CWF19L2: variants seen among roughly 807,000 people sequenced by gnomAD.
CWF19L2 encodes the protein CWF19-like protein 2.
CWF19L2 carries 98 observed loss-of-function variants against 111.7 expected under a neutral mutation model. The ratio of observed to expected loss-of-function variants is 0.88; its 90% CI spans 0.75 to 1.04. The LOEUF (loss-of-function observed/expected upper bound fraction) is 1.04, where lower values mean the gene tolerates loss of function less well. Ranked by LOEUF, CWF19L2 falls within the 50% of genes least tolerant of loss-of-function variation. CWF19L2 has a pLI of 0.00. For synonymous variants in CWF19L2, 351 were observed against 342.9 expected (o/e 1.02, Z -0.26); for missense variants, 1,101 against 1,051.4 (o/e 1.05, Z -0.65).
At chr11:107,404,418 T>C in intron 10 of CWF19L2, 1 of 779,040 alleles carries the variant, frequency 1.3e-6, no homozygotes, top group Non-Finnish European at 2.4e-6. Context: ...TTTGGAATTA[T>C]AGTACCAGAG....
At chr11:107,444,168 A>C (rs988843656) in intron 3 of CWF19L2, among the ~76,000 whole-genome samples, 1 of 151,550 alleles carries the variant, frequency 6.6e-6, no homozygotes, top group Non-Finnish European at 1.5e-5. Flanking sequence ...AGCAGGAATT[A>C]ATCTTCCGGC....
At position 107,383,098 on chromosome 11, in the gene CWF19L2, A is replaced by G. The variant is rs113131271; in HGVS notation, c.1872+6976T>C. Reference sequence around the variant, plus strand: ...TCCTTTATGATAACCTTTATAATAAACCAGTAAATGTAATTTAAGTGTTTC... The same window carrying G: ...TCCTTTATGATAACCTTTATAATAAGCCAGTAAATGTAATTTAAGTGTTTC... On this transcript the variant is annotated intron_variant, in intron 12 of 17. Coordinates refer to ENST00000282251, the MANE Select transcript of CWF19L2 (RefSeq NM_152434.3). Among the ~76,000 whole-genome samples, 34 of 152,300 alleles carry G rather than the reference A, an allele frequency of 2.2e-4. 1 individual carries two copies. Among genetic ancestry groups the G allele is most frequent in the African/African-American group, 8.2e-4 (34 of 41,554 alleles).
At chr11:107,329,787 C>T in intron 17 of CWF19L2, 131 bp downstream of exon 17, 2 of 534,830 alleles carry the variant, frequency 3.7e-6, no homozygotes, top group East Asian at 6.2e-5. Flanking sequence ...TAGGTATTCC[C>T]TCTCTAAAAA....
intron 12 of CWF19L2, among the ~76,000 whole-genome samples, chr11:107,384,092 T>G (rs996316170): frequency 6.6e-6 from 1 of 152,220 alleles, no homozygotes; most frequent in Admixed American, 6.5e-5. Context: ...CTGAATGAGT[T>G]CAATTAACAT....
intron 3 of CWF19L2, among the ~76,000 whole-genome samples, chr11:107,453,791 C>G (rs149580638): frequency 9.2e-5 from 14 of 152,012 alleles, no homozygotes; most frequent in Middle Eastern, 3.4e-3. Context: ...CCAGGGGGTG[C>G]CCACTGCCCT....
At chr11:107,435,425 A>G (rs1861527629) in intron 6 of CWF19L2, among the ~76,000 whole-genome samples, 1 of 152,194 alleles carries the variant, frequency 6.6e-6, no homozygotes, top group South Asian at 2.1e-4. Flanking sequence ...CCATAAAATT[A>G]TCTGTGAAAC....
intron 12 of CWF19L2, among the ~76,000 whole-genome samples, chr11:107,367,786 C>T (rs147277058): frequency 0.051 from 6,728 of 132,928 alleles, 1,302 homozygotes; most frequent in East Asian, 0.27. Context: ...ATGTAACTAA[C>T]GTGCACAATG....
At position 107,390,223 on chromosome 11, in the gene CWF19L2, T is replaced by C. The variant is rs916618508; in HGVS notation, c.1735-12A>G. ...TCATGGGTTGAAACCTATGACAAAA[T>C]GAACATTATTAATTTAATGAAAACA... On this transcript the variant is annotated splice_polypyrimidine_tract_variant and intron_variant, in intron 11 of 17. Coordinates refer to ENST00000282251, the MANE Select transcript of CWF19L2 (RefSeq NM_152434.3). 6.4e-6 allele frequency: 10 copies of C among 1,574,288 alleles called. No homozygotes were observed. In the South Asian group the frequency reaches 9.4e-5, roughly 15 times the overall value.
At chr11:107,398,737 T>C (rs1306149628) in intron 10 of CWF19L2, among the ~76,000 whole-genome samples, 2 of 152,170 alleles carry the variant, frequency 1.3e-5, no homozygotes, top group Admixed American at 1.3e-4. Flanking sequence ...TGTCATCAGG[T>C]TATCCCAAGT....
intron 8 of CWF19L2, among the ~76,000 whole-genome samples, chr11:107,427,425 T>G (rs565428075): frequency 6.6e-6 from 1 of 151,978 alleles, no homozygotes; most frequent in African/African-American, 2.4e-5. Flanking sequence ...AACCGAAAAA[T>G]TATATACATA....
intron 10 of CWF19L2, chr11:107,404,138 A>G: frequency 1.3e-6 from 1 of 775,648 alleles, no homozygotes; most frequent in Non-Finnish European, 2.4e-6. Flanking sequence ...TCTTCCTCTA[A>G]AGCAGCTTCT....
At position 107,339,149 on chromosome 11, in the gene CWF19L2, T is replaced by C. The variant is rs1859969921; in HGVS notation, c.2203-2436A>G. 5.3e-5 allele frequency among the ~76,000 whole-genome samples: 8 copies of C among 152,266 alleles called. No homozygotes were observed. In the South Asian group the frequency reaches 1.5e-3, roughly 28 times the overall value. ...CATATTCTCTGGAGATCCACCCAGG[T>C]TGTTTCATGCATCAACAATTCATTC... On this transcript the variant is annotated intron_variant, in intron 14 of 17. Coordinates refer to ENST00000282251, the MANE Select transcript of CWF19L2 (RefSeq NM_152434.3).
At chr11:107,360,862 T>C (rs370972112) in intron 12 of CWF19L2, among the ~76,000 whole-genome samples, 1 of 152,224 alleles carries the variant, frequency 6.6e-6, no homozygotes, top group African/African-American at 2.4e-5. Flanking sequence ...TTGAGTTCCT[T>C]GTATATTCTT....
intron 12 of CWF19L2, among the ~76,000 whole-genome samples, chr11:107,354,561 G>A (rs1465449810): frequency 6.6e-6 from 1 of 152,094 alleles, no homozygotes; most frequent in African/African-American, 2.4e-5. Flanking sequence ...GTATCATGGG[G>A]ATGGGATGCA....
chr11:107,418,294 G>A lies in CWF19L2; in HGVS notation c.1434-7C>T. On this transcript the variant is annotated splice_region_variant and splice_polypyrimidine_tract_variant and intron_variant, in intron 8 of 17. Transcript: ENST00000282251. ...GGACTCACGCTCTGGACTGCTATTG[G>A]AATAGGAAAGATTAACAGCATATGA... The A allele has an allele frequency of 6.4e-7, 1 of 1,571,700 alleles. No homozygotes were observed.
At chr11:107,350,554 T>C (rs540394348) in intron 13 of CWF19L2, among the ~76,000 whole-genome samples, 15 of 152,262 alleles carry the variant, frequency 9.9e-5, no homozygotes, top group Admixed American at 8.5e-4. Flanking sequence ...CTGAATCTGC[T>C]AGCACCGATC....
At chr11:107,331,332 T>C (rs1347322431) in intron 16 of CWF19L2, among the ~76,000 whole-genome samples, 1 of 152,116 alleles carries the variant, frequency 6.6e-6, no homozygotes, top group African/African-American at 2.4e-5. Context: ...TATACTGCCT[T>C]AGGTGACAAA....
chr11:107,432,536 T>C (rs1464864911), intron 7 of CWF19L2, among the ~76,000 whole-genome samples: 2 of 152,160 alleles, frequency 1.3e-5, no homozygotes, highest in Non-Finnish European at 2.9e-5. Context: ...TGAGCTGAGA[T>C]CGTGCCACCG....
chr11:107,439,314 T>C (rs939439813), intron 5 of CWF19L2, 131 bp from the exon 6 acceptor site: 2 of 613,632 alleles, frequency 3.3e-6, no homozygotes, highest in Non-Finnish European at 5.6e-6. Context: ...TCTTAAGATA[T>C]GCTGTTCTGT....
Sources: gnomAD v4.1 joint callset for allele counts (sites outside exome capture counted in the v4.1 genomes callset) on GRCh38, gnomAD v4.1.1 for gene constraint, MANE v1.5 for transcripts, NCBI Gene and HGNC (gene_info 2026-07-23, HGNC 2026-07-21) for gene names.